SUGCT: variants seen among roughly 807,000 people sequenced by gnomAD.
The protein encoded by SUGCT is succinyl-CoA:glutarate CoA-transferase.
SUGCT carries 41 observed loss-of-function variants against 55.0 expected under a neutral mutation model. The observed-to-expected ratio is 0.74, with a 90% CI of 0.58 to 0.97. The LOEUF (loss-of-function observed/expected upper bound fraction) is 0.97, where lower values mean the gene tolerates loss of function less well. Ranked by LOEUF, SUGCT falls within the 50% of genes least tolerant of loss-of-function variation. The pLI is 0.00. For synonymous variants in SUGCT, 187 were observed against 200.4 expected, an observed-to-expected ratio of 0.93 and a Z score of 0.56; for missense variants, 568 against 547.8, an observed-to-expected ratio of 1.04 and a Z score of -0.37.
the SUGCT span, among the ~76,000 whole-genome samples, chr7:40,950,410 A>G: frequency 1.5e-4 from 23 of 152,310 alleles, no homozygotes; most frequent in East Asian, 3.5e-3. Context: ...AAACAGGGAC[A>G]ATTTGACTTC....
At chr7:40,434,604 T>G (rs992309938) in intron 9 of SUGCT, among the ~76,000 whole-genome samples, 6 of 152,198 alleles carry the variant, frequency 3.9e-5, no homozygotes, top group Non-Finnish European at 8.8e-5. Context: ...TTGTGGCTTA[T>G]CATATAGTTC....
the SUGCT span, among the ~76,000 whole-genome samples, chr7:41,018,159 G>C: frequency 1.3e-5 from 2 of 152,000 alleles, no homozygotes; most frequent in Admixed American, 1.3e-4. Flanking sequence ...GACAGACACA[G>C]TCTCTGCCTA....
intron 12 of SUGCT, among the ~76,000 whole-genome samples, chr7:40,602,377 A>G (rs766038092): frequency 5.9e-5 from 9 of 152,314 alleles, no homozygotes; most frequent in Middle Eastern, 3.4e-3. Context: ...TCTGGTGAGC[A>G]AACACAGCAG....
intron 3 of SUGCT, among the ~76,000 whole-genome samples, chr7:40,182,830 C>G (rs1459515346): frequency 1.3e-5 from 2 of 152,154 alleles, no homozygotes; most frequent in African/African-American, 4.8e-5. Context: ...TTAGCCCCAG[C>G]CTAGCTTTAG....
At chr7:40,300,523 A>T (rs558286125) in intron 8 of SUGCT, among the ~76,000 whole-genome samples, 1 of 152,244 alleles carries the variant, frequency 6.6e-6, no homozygotes. Flanking sequence ...GGGTTTTATC[A>T]TATTACAGTC....
intron 8 of SUGCT, among the ~76,000 whole-genome samples, chr7:40,301,752 A>T (rs565356656): frequency 6.6e-6 from 1 of 152,202 alleles, no homozygotes; most frequent in East Asian, 1.9e-4. Context: ...TCACCATTAC[A>T]TTCTGGGATT....
At chr7:40,144,524 T>A (rs944713016) in intron 1 of SUGCT, among the ~76,000 whole-genome samples, 1 of 152,144 alleles carries the variant, frequency 6.6e-6, no homozygotes, top group Admixed American at 6.6e-5. Flanking sequence ...GGTAGGGTCC[T>A]TCCCAGGGTG....
chr7:40,709,328 C>T, intron 12 of SUGCT, among the ~76,000 whole-genome samples: 1 of 152,182 alleles, frequency 6.6e-6, no homozygotes, highest in East Asian at 1.9e-4. Flanking sequence ...CATGTCTTAG[C>T]CTATTTCCCT....
At chr7:40,148,436 A>G (rs1278772494) in intron 1 of SUGCT, among the ~76,000 whole-genome samples, 1 of 152,018 alleles carries the variant, frequency 6.6e-6, no homozygotes, top group Admixed American at 6.6e-5. Context: ...CCTGAGGTCG[A>G]GAGTTGGAGA....
intron 13 of SUGCT, among the ~76,000 whole-genome samples, chr7:40,815,632 C>A (rs764467777): frequency 6.6e-6 from 1 of 152,156 alleles, no homozygotes; most frequent in Non-Finnish European, 1.5e-5. Flanking sequence ...GCAGAAAGGG[C>A]CTCTCTGCAT....
At chr7:41,006,832 A>C in the SUGCT span, among the ~76,000 whole-genome samples, 1 of 152,330 alleles carries the variant, frequency 6.6e-6, no homozygotes, top group Admixed American at 6.5e-5. Flanking sequence ...TTAAGATTGC[A>C]TCATTTGGCA....
In SUGCT at chr7:40,210,170, C is replaced by G. The variant is rs187364547; in HGVS notation, c.484+15110C>G. ...TCAGCTCACTGCAACCTCAGCCTCC[C>G]GAGTAGCTGGGATTACAGGCATGTG... On this transcript the variant is annotated intron_variant, in intron 6 of 13. Coordinates refer to ENST00000335693, the MANE Select transcript of SUGCT (RefSeq NM_001193313.2). Among the ~76,000 whole-genome samples, 670 of 152,034 alleles carry G rather than the reference C, an allele frequency of 4.4e-3. 4 individuals are homozygous for G. Among genetic ancestry groups the G allele is most frequent in the African/African-American group, 0.015 (624 of 41,486 alleles).
At chr7:40,953,962 A>G in the SUGCT span, among the ~76,000 whole-genome samples, 1 of 152,228 alleles carries the variant, frequency 6.6e-6, no homozygotes, top group South Asian at 2.1e-4. Context: ...TGGGAGAACC[A>G]CTACTCTCTT....
chr7:40,544,327 A>G (rs1486306387), intron 12 of SUGCT, among the ~76,000 whole-genome samples: 1 of 152,060 alleles, frequency 6.6e-6, no homozygotes, highest in Non-Finnish European at 1.5e-5. Context: ...ATGCTGTGGA[A>G]AGCTCACTGT....
At chr7:40,297,823 A>C (rs1053887874) in intron 8 of SUGCT, among the ~76,000 whole-genome samples, 2 of 152,168 alleles carry the variant, frequency 1.3e-5, no homozygotes, top group Non-Finnish European at 2.9e-5. Context: ...TCCTATATAC[A>C]TGAAGGATGT....
chr7:40,678,418 T>G (rs115171106), intron 12 of SUGCT, among the ~76,000 whole-genome samples: 1 of 152,142 alleles, frequency 6.6e-6, no homozygotes, highest in Admixed American at 6.5e-5. Flanking sequence ...CTATTTTTAG[T>G]TGTCAAAAAA....
the SUGCT span, among the ~76,000 whole-genome samples, chr7:41,004,644 C>A: frequency 2.0e-5 from 3 of 152,334 alleles, no homozygotes; most frequent in South Asian, 6.2e-4. Flanking sequence ...CTATGGAAGA[C>A]AAGAGCTATC....
chr7:40,184,000 C>A (rs1350829112), intron 3 of SUGCT, among the ~76,000 whole-genome samples: 1 of 152,042 alleles, frequency 6.6e-6, no homozygotes, highest in Non-Finnish European at 1.5e-5. Flanking sequence ...ATGGTGAAAC[C>A]CCCTTCTCTA....
intron 13 of SUGCT, among the ~76,000 whole-genome samples, chr7:40,848,100 T>C (rs1003155385): frequency 1.3e-5 from 2 of 152,184 alleles, no homozygotes; most frequent in Admixed American, 6.5e-5. Context: ...TCTGTTGGAT[T>C]CCACACCGAT....
Sources: allele counts gnomAD v4.1 joint callset (sites outside exome capture counted in the v4.1 genomes callset), GRCh38; gene constraint gnomAD v4.1.1; transcripts MANE v1.5; gene names NCBI Gene and HGNC (gene_info 2026-07-23, HGNC 2026-07-21).